Variants in PFKM observed in about 807,000 individuals in gnomAD.
PFKM encodes ATP-dependent 6-phosphofructokinase, muscle type.
A neutral mutation model predicts 95.5 loss-of-function variants in PFKM; 58 were observed. That is an observed-to-expected ratio of 0.61 (90% confidence interval 0.49 to 0.76). The LOEUF is 0.76. Ranked by LOEUF, PFKM falls within the 30% of genes least tolerant of loss-of-function variation. The probability of loss-of-function intolerance (pLI) is 0.00; values close to 1 mark genes in which losing one functional copy is unlikely to be tolerated. For missense variants in PFKM, 678 were observed against 1,005.4 expected (o/e 0.67, Z 4.40); for synonymous variants, 336 against 357.2 (o/e 0.94, Z 0.67).
intron 6 of PFKM, among the ~76,000 whole-genome samples, chr12:48,133,988 C>T (rs1250167030): frequency 2.0e-5 from 3 of 152,154 alleles, no homozygotes; most frequent in Admixed American, 6.5e-5. Flanking sequence ...CCTTCCCTGA[C>T]CCGGTTCCTC....
In PFKM at chr12:48,132,977, T is replaced by C. The variant is rs200544560; in HGVS notation, c.347T>C (p.Ile116Thr). 77 of 1,614,084 alleles carry C rather than the reference T, an allele frequency of 4.8e-5. No individual in the cohort carries two copies. In the East Asian group the frequency reaches 8.9e-4, roughly 19 times the overall value. Reference protein sequence around the residue: ...VKRGITNLCVIGGDGSLTGAD... With the variant: ...VKRGITNLCVTGGDGSLTGAD... ...CGTGGGATCACCAATCTCTGTGTCA[T>C]TGGGGGTGATGGCAGCCTCACTGGG... The change falls in exon 5 of 23, where the codon ATT becomes ACT. Residue 116 changes from isoleucine to threonine, a missense_variant. Transcript: ENST00000359794.
chr12:48,106,207 C>T (rs1946578989), intron 1 of PFKM: 1 of 671,736 alleles, frequency 1.5e-6, no homozygotes. Flanking sequence ...GGCGCCTGCG[C>T]GGTGTGGCGA....
intron 2 of PFKM, among the ~76,000 whole-genome samples, chr12:48,125,819 C>T (rs969383931): frequency 2.0e-5 from 3 of 152,010 alleles, no homozygotes; most frequent in Non-Finnish European, 2.9e-5. Context: ...GCTTGCTATT[C>T]TAAGGTTTAT....
chr12:48,118,350 A>C (rs530529062), upstream of PFKM: 31 of 604,408 alleles, frequency 5.1e-5, no homozygotes, highest in East Asian at 8.2e-4. Context: ...TGATTTGCAA[A>C]TATTTTCTCC....
chr12:48,139,759 C>G, intron 12 of PFKM, 90 bp from the exon 13 acceptor site: 1 of 909,046 alleles, frequency 1.1e-6, no homozygotes, highest in Non-Finnish European at 1.8e-6. Flanking sequence ...GAACTTCCCT[C>G]TGGGAGCAAC....
chr12:48,111,989 G>A (rs983419808), intron 3 of PFKM, among the ~76,000 whole-genome samples: 1 of 151,954 alleles, frequency 6.6e-6, no homozygotes, highest in African/African-American at 2.4e-5. Context: ...AAGTATTAGG[G>A]CAGCGGCAGC....
chr12:48,108,057 G>GCC (rs1464896804), intron 2 of PFKM: 25 of 1,599,086 alleles, frequency 1.6e-5, no homozygotes, highest in Non-Finnish European at 2.1e-5. Flanking sequence ...GTGACCTAAA[G>GCC]CTATTGTTTC....
At position 48,110,943 on chromosome 12, in the gene PFKM, G is replaced by A. The variant is rs571290717; in HGVS notation, c.205+2749G>A. 1.3e-3 allele frequency among the ~76,000 whole-genome samples: 201 copies of A among 152,228 alleles called. No homozygotes were observed. The Middle Eastern group carries it at 0.014, about 10-fold the overall frequency. On this transcript the variant is annotated intron_variant, in intron 3 of 24. Transcript: ENST00000340802. ...TCTAGGCTGTACACTTTACCCCTATGTCCTGACCCCTAGGCTTTTCAAAGA... is the reference window on the plus strand; with the variant it reads ...TCTAGGCTGTACACTTTACCCCTATATCCTGACCCCTAGGCTTTTCAAAGA...
Position 48,135,390 on chromosome 12 carries a change from C to A in PFKM, c.936+7C>A. On this transcript the variant is annotated splice_region_variant and intron_variant, in intron 10 of 22. Coordinates refer to ENST00000359794, the MANE Select transcript of PFKM (RefSeq NM_000289.6). ...AGCCTTTGACAGAATTCTGGTAAGTCACTGGGCTGTGTGGCCCTCATGCCT... is the reference window on the plus strand; with the variant it reads ...AGCCTTTGACAGAATTCTGGTAAGTAACTGGGCTGTGTGGCCCTCATGCCT... The A allele has an allele frequency of 6.2e-7, 1 of 1,604,686 alleles. No individual in the cohort carries two copies. The highest frequency in any genetic ancestry group is 8.5e-7 in the Non-Finnish European group (1 of 1,171,402).
chr12:48,136,087 C>T (rs1355371040), intron 10 of PFKM, among the ~76,000 whole-genome samples: 1 of 152,146 alleles, frequency 6.6e-6, no homozygotes, highest in Non-Finnish European at 1.5e-5. Flanking sequence ...CAGGGTTTCA[C>T]CGTGTTAGCC....
upstream of PFKM, among the ~76,000 whole-genome samples, chr12:48,117,491 C>G (rs1416005905): frequency 2.6e-5 from 4 of 152,190 alleles, no homozygotes; most frequent in Non-Finnish European, 5.9e-5. Context: ...TTCTCATTAG[C>G]ATTTGGATTT....
chr12:48,143,061 C>A, intron 18 of PFKM, 115 bp downstream of exon 18: 1 of 961,076 alleles, frequency 1.0e-6, no homozygotes. Context: ...TCTGTAGAAT[C>A]CTGTGAAGAC....
chr12:48,107,645 G>A (rs180740479), intron 2 of PFKM, among the ~76,000 whole-genome samples: 118 of 152,204 alleles, frequency 7.8e-4, no homozygotes, highest in South Asian at 6.2e-3. Flanking sequence ...ATTTTGACCT[G>A]GTTTGTTGTG....
intron 3 of PFKM, among the ~76,000 whole-genome samples, chr12:48,112,262 A>C (rs993598625): frequency 6.6e-6 from 1 of 152,224 alleles, no homozygotes; most frequent in Non-Finnish European, 1.5e-5. Context: ...GTGAGTTTAT[A>C]TAATGGTTTA....
chr12:48,115,649 G>A (rs1434939928), upstream of PFKM, among the ~76,000 whole-genome samples: 1 of 152,202 alleles, frequency 6.6e-6, no homozygotes, highest in African/African-American at 2.4e-5. Context: ...GGGATATGAT[G>A]GCTTAGCTTG....
In PFKM at chr12:48,144,060, A is replaced by G. The variant is rs867391111; in HGVS notation, c.1895A>G (p.Asn632Ser). 3.7e-6 allele frequency: 6 copies of G among 1,612,586 alleles called. No individual in the cohort carries two copies. The highest frequency in any genetic ancestry group is 3.3e-5 in the Admixed American group (2 of 60,012). The change falls in exon 20 of 23, where the codon AAT (asparagine) becomes AGT (serine). Residue 632 changes from asparagine (N) to serine (S), a missense_variant. Coordinates refer to ENST00000359794, the MANE Select transcript of PFKM (RefSeq NM_000289.6). ...RGLVLRNEKC[N>S]ENYTTDFIFN... ...CCACCTGGCAGGAATGAAAAGTGCA[A>G]TGAGAACTATACCACTGACTTCATT...
In PFKM at chr12:48,122,296, A is replaced by G. The variant is rs116511007; in HGVS notation, c.-8-471A>G. Among the ~76,000 whole-genome samples, 416 of 152,306 alleles carry G rather than the reference A, an allele frequency of 2.7e-3. 1 individual carries two copies. The highest frequency in any genetic ancestry group is 9.5e-3 in the African/African-American group (395 of 41,558). On this transcript the variant is annotated intron_variant, in intron 1 of 22. Transcript: ENST00000359794. ...ATAACACCCAACCCTAATCTTAATT[A>G]TAATCCAACCTACCCTTGCTCTTCT...
At chr12:48,112,887 G>T (rs1947332982) in intron 3 of PFKM, among the ~76,000 whole-genome samples, 1 of 152,160 alleles carries the variant, frequency 6.6e-6, no homozygotes, top group South Asian at 2.1e-4. Context: ...TATTGGCATT[G>T]AGTGGGGTAA....
At chr12:48,133,595 T>A in intron 6 of PFKM, 115 bp downstream of exon 6, 1 of 912,552 alleles carries the variant, frequency 1.1e-6, no homozygotes. Context: ...ATGGCCAGTT[T>A]TCTGGGGCTA....
Sources: gnomAD v4.1 joint callset for allele counts (sites outside exome capture counted in the v4.1 genomes callset) on GRCh38, gnomAD v4.1.1 for gene constraint, MANE v1.5 for transcripts, NCBI Gene and HGNC (gene_info 2026-07-23, HGNC 2026-07-21) for gene names.